SERPINB12: variants seen among roughly 807,000 people sequenced by gnomAD.
The protein encoded by SERPINB12 is serpin family B member 12.
In SERPINB12, 57 loss-of-function variants were observed where a neutral mutation model predicts 41.1. The observed-to-expected ratio is 1.39, with a 90% CI of 1.12 to 1.73. The LOEUF is 1.73. Ranked by LOEUF, SERPINB12 falls within the 40% of genes most tolerant of loss-of-function variation. The probability of loss-of-function intolerance (pLI) is 0.00; values close to 1 mark genes in which losing one functional copy is unlikely to be tolerated. For missense variants in SERPINB12, 536 were observed against 501.9 expected (o/e 1.07, Z -0.65); for synonymous variants, 180 against 181.3 (o/e 0.99, Z 0.06).
At chr18:63,565,111 C>T (rs9949082) in intron 6 of SERPINB12, among the ~76,000 whole-genome samples, 88,271 of 151,902 alleles carry the variant, frequency 0.58, 27,718 homozygotes, top group Middle Eastern at 0.73. Flanking sequence ...TGCCTGAGCC[C>T]GGGAGGGTGA....
At chr18:63,566,462 A>G (rs1405950724) in intron 7 of SERPINB12, 145 bp from the exon 8 acceptor site, 5 of 733,442 alleles carry the variant, frequency 6.8e-6, no homozygotes, top group Non-Finnish European at 1.1e-5. Context: ...GAAGTTTTAA[A>G]TGAAATCAGA....
rs369081222 is a variant in SERPINB12 at position 63,565,458 on chromosome 18, G to A, written c.719G>A (p.Ser240Asn). The change falls in exon 7 of 8, where the codon AGT (serine) becomes AAT (asparagine). Residue 240 changes from serine (S) to asparagine (N), a missense_variant. Transcript: ENST00000382768. ...PFCLNANENK[S>N]VKMMTQKGLY... Reference sequence around the variant, plus strand: ...TGACTACTACAGAATGAAAACAAGAGTGTGAAGATGATGACGCAAAAAGGC... The same window carrying A: ...TGACTACTACAGAATGAAAACAAGAATGTGAAGATGATGACGCAAAAAGGC... The A allele has an allele frequency of 1.5e-5, 25 of 1,613,444 alleles. No homozygotes were observed. Among genetic ancestry groups the A allele is most frequent in the Non-Finnish European group, 1.9e-5 (23 of 1,179,716 alleles).
At chr18:63,521,525 G>T in the SERPINB12 span, among the ~76,000 whole-genome samples, 1 of 152,146 alleles carries the variant, frequency 6.6e-6, no homozygotes, top group Non-Finnish European at 1.5e-5. Flanking sequence ...GTCAAGTTCA[G>T]TTTTTGTCTA....
chr18:63,552,617 T>G (rs1599417149), intron 1 of SERPINB12, among the ~76,000 whole-genome samples: 2 of 152,340 alleles, frequency 1.3e-5, no homozygotes, highest in South Asian at 4.2e-4. Context: ...CTATGCGTCT[T>G]AAACTCTACT....
upstream of SERPINB12, among the ~76,000 whole-genome samples, chr18:63,538,246 T>A (rs1032542841): frequency 1.3e-5 from 2 of 152,176 alleles, no homozygotes; most frequent in Non-Finnish European, 2.9e-5. Context: ...TGTAACTCAG[T>A]GATTTTAAAT....
intron 5 of SERPINB12, among the ~76,000 whole-genome samples, chr18:63,563,434 T>C (rs537699643): frequency 6.6e-6 from 1 of 152,110 alleles, no homozygotes; most frequent in Non-Finnish European, 1.5e-5. Flanking sequence ...TCAAAGGAGA[T>C]TCCTTCTGTT....
chr18:63,530,434 C>T, the SERPINB12 span, among the ~76,000 whole-genome samples: 2 of 152,276 alleles, frequency 1.3e-5, no homozygotes, highest in African/African-American at 4.8e-5. Context: ...CCACCTTCCC[C>T]CCAAACTTCC....
chr18:63,567,442 A>C lies in SERPINB12; in HGVS notation c.*431A>C, dbSNP rs1911150463. Among the ~76,000 whole-genome samples, 1 of 152,024 alleles carries C rather than the reference A, an allele frequency of 6.6e-6. No homozygotes were observed. Among genetic ancestry groups the C allele is most frequent in the Non-Finnish European group, 1.5e-5 (1 of 67,952 alleles). ...CTGTTTCTGGGGTAGTTTGACCGGA[A>C]CGTGTTTGGAAACTCAGCTCTGTTT... On this transcript the variant is annotated 3_prime_UTR_variant, in exon 8 of 8. Transcript: ENST00000382768.
the SERPINB12 span, among the ~76,000 whole-genome samples, chr18:63,531,025 A>T: frequency 6.6e-6 from 1 of 152,232 alleles, no homozygotes; most frequent in African/African-American, 2.4e-5. Context: ...ATTCTTTAAA[A>T]TCATAGAGTT....
the SERPINB12 span, among the ~76,000 whole-genome samples, chr18:63,533,568 T>C: frequency 6.6e-6 from 1 of 152,204 alleles, no homozygotes; most frequent in Non-Finnish European, 1.5e-5. Context: ...GTTTTAATCC[T>C]TTTGAAAACA....
At chr18:63,527,353 A>ATC in the SERPINB12 span, among the ~76,000 whole-genome samples, 1 of 152,188 alleles carries the variant, frequency 6.6e-6, no homozygotes, top group Admixed American at 6.6e-5. Context: ...AAGAACATTT[A>ATC]TCTAGTTCTT....
intron 3 of SERPINB12, among the ~76,000 whole-genome samples, chr18:63,558,773 A>T (rs190712433): frequency 4.6e-5 from 7 of 152,278 alleles, no homozygotes; most frequent in Non-Finnish European, 7.4e-5. Flanking sequence ...CCCAACACAG[A>T]GTATGGTCAA....
At chr18:63,530,536 C>T in the SERPINB12 span, among the ~76,000 whole-genome samples, 30 of 152,118 alleles carry the variant, frequency 2.0e-4, no homozygotes, top group African/African-American at 6.0e-4. Flanking sequence ...CTTCTTTAAA[C>T]GACTGTTGGA....
In SERPINB12 at chr18:63,556,346, G is replaced by T; in HGVS notation, c.168+19G>T. The T allele has an allele frequency of 6.2e-7, 1 of 1,608,884 alleles. No individual in the cohort carries two copies. The highest frequency in any genetic ancestry group is 2.2e-5 in the East Asian group (1 of 44,816). On this transcript the variant is annotated intron_variant, in intron 2 of 7. Transcript: ENST00000382768. Reference sequence around the variant, plus strand: ...TGATGAGGTACGTGTCCACTAGGGTGCTACACAGGGTCCTAAACTCTGGGT... The same window carrying T: ...TGATGAGGTACGTGTCCACTAGGGTTCTACACAGGGTCCTAAACTCTGGGT...
chr18:63,549,610 T>G (rs887541686), intron 1 of SERPINB12, among the ~76,000 whole-genome samples: 1 of 152,010 alleles, frequency 6.6e-6, no homozygotes, highest in African/African-American at 2.4e-5. Flanking sequence ...GAGAAGGATT[T>G]TTTGAGTAAT....
chr18:63,522,530 T>A, the SERPINB12 span, among the ~76,000 whole-genome samples: 1 of 152,164 alleles, frequency 6.6e-6, no homozygotes, highest in Non-Finnish European at 1.5e-5. Context: ...GAGCCAATAG[T>A]TTTCAAATAA....
chr18:63,531,549 G>T, the SERPINB12 span, among the ~76,000 whole-genome samples: 1 of 152,154 alleles, frequency 6.6e-6, no homozygotes, highest in South Asian at 2.1e-4. Context: ...ACCTCTCTGA[G>T]TTTCCATTTC....
chr18:63,545,154 C>T (rs1910356106), intron 1 of SERPINB12, among the ~76,000 whole-genome samples: 1 of 151,914 alleles, frequency 6.6e-6, no homozygotes, highest in Non-Finnish European at 1.5e-5. Context: ...TAGGAGGAAT[C>T]ATCTAGCTCT....
upstream of SERPINB12, among the ~76,000 whole-genome samples, chr18:63,540,869 C>T (rs1047997562): frequency 1.3e-5 from 2 of 151,996 alleles, no homozygotes; most frequent in African/African-American, 4.8e-5. Flanking sequence ...GAAGAAATAT[C>T]TAGGTTTAAG....
Sources: allele counts gnomAD v4.1 joint callset (sites outside exome capture counted in the v4.1 genomes callset), GRCh38; gene constraint gnomAD v4.1.1; transcripts MANE v1.5; gene names NCBI Gene and HGNC (gene_info 2026-07-23, HGNC 2026-07-21).